The following RELCH variants were observed in gnomAD, a reference collection of about 807,000 sequenced individuals.
The protein encoded by RELCH is RAB11 binding and LisH domain, coiled-coil and HEAT repeat containing.
In RELCH, 41 loss-of-function variants were observed where a neutral mutation model predicts 150.3. That is an observed-to-expected ratio of 0.27 (90% CI 0.21 to 0.35). The LOEUF (loss-of-function observed/expected upper bound fraction) is 0.35. Ranked by LOEUF, RELCH falls within the 10% of genes least tolerant of loss-of-function variation. The pLI, the probability that RELCH is intolerant of heterozygous loss-of-function variation, is 1.00. For missense variants in RELCH, 1,092 were observed against 1,467.8 expected, an observed-to-expected ratio of 0.74 and a Z score of 4.18; for synonymous variants, 478 against 531.8, an observed-to-expected ratio of 0.90 and a Z score of 1.39.
chr18:62,222,560 C>G (rs2040947574), intron 5 of RELCH, among the ~76,000 whole-genome samples: 2 of 151,972 alleles, frequency 1.3e-5, no homozygotes, highest in Admixed American at 6.6e-5. Context: ...AGATTAAAAC[C>G]TAGCTCTATC....
At chr18:62,201,265 C>T (rs2039427019) in intron 1 of RELCH, among the ~76,000 whole-genome samples, 1 of 151,764 alleles carries the variant, frequency 6.6e-6, no homozygotes, top group Non-Finnish European at 1.5e-5. Flanking sequence ...GAGCCACCGC[C>T]CCCGGCCCTT....
At chr18:62,277,877 A>T in intron 22 of RELCH, 1 of 928,578 alleles carries the variant, frequency 1.1e-6, no homozygotes, top group Non-Finnish European at 1.3e-6. Context: ...TTTTAATCAT[A>T]AGGAAATTGA....
intron 1 of RELCH, among the ~76,000 whole-genome samples, chr18:62,196,740 A>AT (rs2039077099): frequency 6.6e-6 from 1 of 152,156 alleles, no homozygotes; most frequent in Admixed American, 6.5e-5. Context: ...GGTATTCAGT[A>AT]TTTTTACATC....
At chr18:62,255,162 C>A (rs907372932) in intron 12 of RELCH, among the ~76,000 whole-genome samples, 2 of 152,104 alleles carry the variant, frequency 1.3e-5, no homozygotes, top group Non-Finnish European at 1.5e-5. Flanking sequence ...TCTCTAGATA[C>A]CTTGCCAAAT....
At position 62,305,390 on chromosome 18, in the gene RELCH, T is replaced by C; in HGVS notation, c.3531-24T>C. 1.9e-6 allele frequency: 3 copies of C among 1,576,828 alleles called. No individual in the cohort carries two copies. Among genetic ancestry groups the C allele is most frequent in the Non-Finnish European group, 2.6e-6 (3 of 1,166,672 alleles). The stretch of plus-strand genomic sequence containing the variant: ...TTTTTATTTTTTTAATTGCTTTACA[T>C]GAATTTTAAATTTTCTTTCCTAGCT... On this transcript the variant is annotated intron_variant, in intron 28 of 28. Coordinates refer to ENST00000644646, the MANE Select transcript of RELCH (RefSeq NM_001346231.2). The surrounding 1 kb of genome is among the most constrained non-coding windows in gnomAD (Gnocchi z 4.0).
At chr18:62,261,706 A>G (rs2043281915) in intron 16 of RELCH, 48 bp downstream of exon 16, 4 of 1,514,432 alleles carry the variant, frequency 2.6e-6, no homozygotes, top group Non-Finnish European at 3.6e-6. Flanking sequence ...TTAGCAGCCT[A>G]GCTTCCCAAA....
intron 22 of RELCH, among the ~76,000 whole-genome samples, chr18:62,276,604 C>T (rs749724495): frequency 8.6e-5 from 13 of 151,936 alleles, no homozygotes; most frequent in African/African-American, 1.2e-4. Context: ...CAAATCTTGC[C>T]GAATATCAGA....
In RELCH at chr18:62,264,158, C is replaced by G. The variant is rs1217683455; in HGVS notation, c.2507+13C>G. 3.8e-6 allele frequency: 6 copies of G among 1,583,780 alleles called. No homozygotes were observed. In the South Asian group the frequency reaches 5.7e-5, roughly 15 times the overall value. ...TTGTCAATCAATTGTAAGTTACCAC[C>G]TCCATATTAATTTGAATAGATGATA... On this transcript the variant is annotated intron_variant, in intron 17 of 28. Transcript: ENST00000644646.
At chr18:62,286,830 T>G (rs1038421255) in intron 25 of RELCH, among the ~76,000 whole-genome samples, 3 of 152,198 alleles carry the variant, frequency 2.0e-5, no homozygotes, top group South Asian at 2.1e-4. Context: ...TTGAATAACT[T>G]GAAAACTCAG....
chr18:62,191,082 G>A (rs2038598935), intron 1 of RELCH, among the ~76,000 whole-genome samples: 1 of 152,072 alleles, frequency 6.6e-6, no homozygotes, highest in Non-Finnish European at 1.5e-5. Context: ...CAAAAGGGGG[G>A]GATAAAAAAT....
chr18:62,248,746 G>A (rs1256047874), intron 11 of RELCH, among the ~76,000 whole-genome samples: 1 of 152,150 alleles, frequency 6.6e-6, no homozygotes, highest in Admixed American at 6.5e-5. Context: ...AACCATTGCT[G>A]TGTGGCTAAA....
intron 28 of RELCH, chr18:62,300,608 C>T (rs1410761934): frequency 6.6e-6 from 1 of 152,122 alleles, no homozygotes; most frequent in Admixed American, 6.6e-5. Context: ...TTCAAAGAGC[C>T]TGTGGTTAAA....
chr18:62,264,344 A>T (rs1216756937), intron 17 of RELCH, among the ~76,000 whole-genome samples, 199 bp downstream of exon 17: 2 of 152,084 alleles, frequency 1.3e-5, no homozygotes, highest in Non-Finnish European at 2.9e-5. Context: ...TATCCGAATG[A>T]TCTATCTGCC....
chr18:62,246,535 C>T (rs1192903668), intron 11 of RELCH: 1 of 152,142 alleles, frequency 6.6e-6, no homozygotes, highest in Non-Finnish European at 1.5e-5. Flanking sequence ...AAGATATAAA[C>T]ACTAAACATT....
At chr18:62,198,650 T>TTA (rs1471722859) in intron 1 of RELCH, among the ~76,000 whole-genome samples, 1 of 152,220 alleles carries the variant, frequency 6.6e-6, no homozygotes, top group Admixed American at 6.5e-5. Context: ...ATCCTATAGC[T>TTA]TTAATCTCTT....
At chr18:62,211,294 T>G (rs2040152094) in intron 2 of RELCH, 52 bp downstream of exon 2, 1 of 1,106,006 alleles carries the variant, frequency 9.0e-7, no homozygotes, top group South Asian at 1.3e-5. Context: ...CCAGAAATAA[T>G]GAAATGGCTT....
Position 62,221,223 on chromosome 18 carries a change from T to C in RELCH, c.693T>C (p.His231=). 1 of 1,610,130 alleles carries C rather than the reference T, an allele frequency of 6.2e-7. No individual in the cohort carries two copies. The highest frequency in any genetic ancestry group is 1.7e-5 in the Admixed American group (1 of 59,808). Residue 231 remains histidine (H), a synonymous_variant, in exon 4 of 29, where the codon CAT becomes CAC. Transcript: ENST00000644646. ...ACTTATGTTTTTTTCCACCAGAACA[T>C]GAAGTTCCTTTACAGGAACGAAAAA... is the stretch of plus-strand genomic sequence containing the variant. ...LRANLTKAAE[H]EVPLQERKNY...
chr18:62,228,394 ACT>A lies in RELCH; in HGVS notation c.1247_1248del (p.Ser416Ter). On this transcript the variant is annotated frameshift_variant, in exon 8 of 29. Coordinates refer to ENST00000644646, the MANE Select transcript of RELCH (RefSeq NM_001346231.2). LOFTEE classifies it high-confidence loss of function. ...CCTTTGGATCAGTTGCCCCACAAAG[ACT>A]CTGAGGACAGTGGACAGCATCCAGA... is the stretch of plus-strand genomic sequence containing the variant. 6.2e-7 allele frequency: 1 copy of A among 1,613,290 alleles called. No homozygotes were observed. Among genetic ancestry groups the A allele is most frequent in the Non-Finnish European group, 8.5e-7 (1 of 1,179,528 alleles).
chr18:62,295,402 T>C (rs1174925025), intron 27 of RELCH, among the ~76,000 whole-genome samples: 1 of 151,852 alleles, frequency 6.6e-6, no homozygotes, highest in Non-Finnish European at 1.5e-5. Context: ...ATTGCACTTT[T>C]AGCTGTGTTG....
Sources: gnomAD v4.1 joint callset for allele counts (sites outside exome capture counted in the v4.1 genomes callset) on GRCh38, gnomAD v4.1.1 for gene constraint, Gnocchi (gnomAD v3.1) non-coding constraint, MANE v1.5 for transcripts, NCBI Gene and HGNC (gene_info 2026-07-23, HGNC 2026-07-21) for gene names.